The following FSHR variants were observed in gnomAD, a reference collection of about 807,000 sequenced individuals.
FSHR encodes follicle-stimulating hormone receptor.
In FSHR, 46 loss-of-function variants were observed where a neutral mutation model predicts 52.1. The ratio of observed to expected loss-of-function variants is 0.88; its 90% CI spans 0.70 to 1.13. FSHR has a LOEUF of 1.13. Ranked by LOEUF, FSHR falls within the 50% of genes most tolerant of loss-of-function variation. The pLI is 0.00. For synonymous variants in FSHR, 399 were observed against 309.6 expected (o/e 1.29, Z -3.03); for missense variants, 964 against 834.6 (o/e 1.16, Z -1.91).
At chr2:48,994,959 G>A (rs757261263) in intron 4 of FSHR, among the ~76,000 whole-genome samples, 12 of 152,096 alleles carry the variant, frequency 7.9e-5, no homozygotes, top group African/African-American at 1.9e-4. Flanking sequence ...TAAACTTAGC[G>A]GGGTCCTGTA....
intron 1 of FSHR, among the ~76,000 whole-genome samples, chr2:49,099,261 T>A (rs1316665035): frequency 1.3e-5 from 2 of 152,186 alleles, no homozygotes; most frequent in African/African-American, 4.8e-5. Context: ...CCCATACTGT[T>A]CTCACAGTAT....
At chr2:49,137,781 A>C (rs1374942739) in intron 1 of FSHR, among the ~76,000 whole-genome samples, 1 of 152,152 alleles carries the variant, frequency 6.6e-6, no homozygotes, top group African/African-American at 2.4e-5. Flanking sequence ...CTTATCAAGC[A>C]TCATATACAA....
intron 1 of FSHR, among the ~76,000 whole-genome samples, chr2:49,091,422 G>T (rs1251329909): frequency 1.3e-5 from 2 of 152,016 alleles, no homozygotes; most frequent in South Asian, 2.1e-4. Context: ...TTTCCCCTCA[G>T]CCTCTTTAGT....
intron 2 of FSHR, among the ~76,000 whole-genome samples, chr2:49,021,150 G>A (rs1307512089): frequency 2.6e-5 from 4 of 152,084 alleles, no homozygotes; most frequent in African/African-American, 9.7e-5. Context: ...TCCACTCCAT[G>A]CCATTAACTA....
intron 6 of FSHR, among the ~76,000 whole-genome samples, chr2:48,986,118 G>T (rs1206853842): frequency 6.6e-6 from 1 of 152,122 alleles, no homozygotes; most frequent in Non-Finnish European, 1.5e-5. Context: ...GATATTTTTT[G>T]TGATCCTCTC....
chr2:49,086,795 C>T (rs1176907329), intron 1 of FSHR, among the ~76,000 whole-genome samples: 1 of 152,154 alleles, frequency 6.6e-6, no homozygotes, highest in Non-Finnish European at 1.5e-5. Flanking sequence ...TGCCCGCCAT[C>T]ATGTCTGGCT....
intron 1 of FSHR, among the ~76,000 whole-genome samples, chr2:49,147,898 G>C (rs1034392489): frequency 6.6e-6 from 1 of 151,928 alleles, no homozygotes; most frequent in Non-Finnish European, 1.5e-5. Context: ...GTTTGTTTCT[G>C]TCAAAGAAGT....
chr2:48,979,993 G>T (rs993206779), intron 8 of FSHR, among the ~76,000 whole-genome samples: 1 of 152,178 alleles, frequency 6.6e-6, no homozygotes, highest in Non-Finnish European at 1.5e-5. Flanking sequence ...CTCAGGCCAG[G>T]GTTTAGATGG....
intron 1 of FSHR, among the ~76,000 whole-genome samples, chr2:49,100,752 T>C (rs933340046): frequency 1.3e-5 from 2 of 152,246 alleles, no homozygotes; most frequent in Non-Finnish European, 2.9e-5. Context: ...ACTATCAATC[T>C]AAATCATTAT....
Position 48,987,837 on chromosome 2 carries a change from A to AACACACACAC in FSHR, c.524+1130_524+1139dup, listed in dbSNP as rs72108367. Among the ~76,000 whole-genome samples, 660 of 146,122 alleles carry AACACACACAC rather than the reference A, an allele frequency of 4.5e-3. 3 individuals are homozygous for AACACACACAC. The highest frequency in any genetic ancestry group is 0.015 in the African/African-American group (578 of 39,618). ...TTTCTGCACCCCATCACCTCATCTC[A>AACACACACAC]ACACACACACACACACACACACACA... On this transcript the variant is annotated intron_variant, in intron 6 of 9. Transcript: ENST00000406846.
intron 8 of FSHR, among the ~76,000 whole-genome samples, chr2:48,982,600 A>T (rs1039593348): frequency 6.6e-6 from 1 of 152,164 alleles, no homozygotes; most frequent in Non-Finnish European, 1.5e-5. Context: ...CCTTCTGTAA[A>T]ACGGGAATAA....
chr2:49,116,566 C>G (rs1362920680), intron 1 of FSHR, among the ~76,000 whole-genome samples: 1 of 152,174 alleles, frequency 6.6e-6, no homozygotes, highest in African/African-American at 2.4e-5. Flanking sequence ...ACATACAGTT[C>G]TCAGCACTGT....
At chr2:49,117,303 G>C (rs1671637617) in intron 1 of FSHR, among the ~76,000 whole-genome samples, 1 of 152,102 alleles carries the variant, frequency 6.6e-6, no homozygotes, top group Non-Finnish European at 1.5e-5. Context: ...TGCATCTCTG[G>C]TATGTCATCG....
At chr2:49,089,870 G>A (rs184243925) in intron 1 of FSHR, among the ~76,000 whole-genome samples, 12 of 152,264 alleles carry the variant, frequency 7.9e-5, no homozygotes, top group African/African-American at 2.9e-4. Context: ...TACATAGTCT[G>A]CACCAGGCTT....
intron 3 of FSHR, 119 bp from the exon 4 acceptor site, chr2:49,017,682 T>TCATCCATC (rs891302351): frequency 1.3e-6 from 1 of 756,500 alleles, no homozygotes; most frequent in East Asian, 2.7e-5. Context: ...ACCCATCTAT[T>TCATCCATC]CATCCATCCA....
intron 1 of FSHR, among the ~76,000 whole-genome samples, chr2:49,112,717 A>G (rs1446618660): frequency 6.6e-6 from 1 of 152,160 alleles, no homozygotes; most frequent in East Asian, 1.9e-4. Context: ...TTGGAGAGAA[A>G]AATTTCCTAA....
intron 4 of FSHR, among the ~76,000 whole-genome samples, chr2:49,011,611 C>T (rs1667276002): frequency 6.6e-6 from 1 of 152,038 alleles, no homozygotes. Context: ...GATCATTTGT[C>T]TAAACATTTG....
chr2:49,124,551 AT>A (rs1190716918), intron 1 of FSHR, among the ~76,000 whole-genome samples: 15 of 146,718 alleles, frequency 1.0e-4, no homozygotes, highest in Non-Finnish European at 2.1e-4. Flanking sequence ...CTGTAGCTCC[AT>A]TTTTTTTTCA....
At chr2:48,970,345 G>A (rs146510060) in intron 8 of FSHR, among the ~76,000 whole-genome samples, 139 of 151,988 alleles carry the variant, frequency 9.1e-4, no homozygotes, top group Non-Finnish European at 1.6e-3. Flanking sequence ...TCAGCCTCTC[G>A]GGAAATAGTA....
Sources: allele counts gnomAD v4.1 joint callset (sites outside exome capture counted in the v4.1 genomes callset), GRCh38; gene constraint gnomAD v4.1.1; transcripts MANE v1.5; gene names NCBI Gene and HGNC (gene_info 2026-07-23, HGNC 2026-07-21).